Variants in TMPRSS12 observed in about 807,000 individuals in gnomAD.
TMPRSS12 encodes transmembrane protease serine 12.
In TMPRSS12, 25 loss-of-function variants were observed where a neutral mutation model predicts 26.0. The observed-to-expected ratio is 0.96, with a 90% confidence interval of 0.70 to 1.34. The LOEUF is 1.34. TMPRSS12 is among the 40% of genes most tolerant of loss of function. The pLI, the probability that TMPRSS12 is intolerant of heterozygous loss-of-function variation, is 0.00. For synonymous variants in TMPRSS12, 150 were observed against 161.7 expected, an observed-to-expected ratio of 0.93 and a Z score of 0.55; for missense variants, 441 against 440.1, an observed-to-expected ratio of 1.00 and a Z score of -0.02.
chr12:50,853,643 C>A lies in TMPRSS12; in HGVS notation c.384-5142C>A, dbSNP rs113363847. On this transcript the variant is annotated intron_variant, in intron 2 of 4. Coordinates refer to ENST00000398458, the MANE Select transcript of TMPRSS12 (RefSeq NM_182559.3). Reference sequence around the variant, plus strand: ...TCCAAATAAACAAAATCAGAAATGACAAAGGGGACAGTACCACCAACCCCA... The same window carrying A: ...TCCAAATAAACAAAATCAGAAATGAAAAAGGGGACAGTACCACCAACCCCA... Among the ~76,000 whole-genome samples the A allele has an allele frequency of 2.1e-4, 29 of 138,054 alleles. 2 individuals carry two copies. Among genetic ancestry groups the A allele is most frequent in the African/African-American group, 7.7e-4 (29 of 37,624 alleles). 90.6% of individuals were successfully genotyped at this position (138,054 alleles called of 152,430 possible).
intron 3 of TMPRSS12, among the ~76,000 whole-genome samples, chr12:50,863,320 A>G (rs998650262): frequency 3.3e-5 from 5 of 152,228 alleles, no homozygotes; most frequent in African/African-American, 4.8e-5. Context: ...CCAAGAAGAC[A>G]TAGCAATGCT....
At chr12:50,878,084 T>A (rs1299890256) in intron 3 of TMPRSS12, among the ~76,000 whole-genome samples, 1 of 152,002 alleles carries the variant, frequency 6.6e-6, no homozygotes, top group East Asian at 1.9e-4. Flanking sequence ...AATACGGCAA[T>A]TATTCACAGA....
At chr12:50,873,488 T>A (rs1007016080) in intron 3 of TMPRSS12, among the ~76,000 whole-genome samples, 11 of 152,136 alleles carry the variant, frequency 7.2e-5, no homozygotes, top group African/African-American at 2.7e-4. Flanking sequence ...CCAACAGTCT[T>A]TCACCAAGGA....
At chr12:50,872,127 A>G (rs551178573) in intron 3 of TMPRSS12, among the ~76,000 whole-genome samples, 12 of 152,320 alleles carry the variant, frequency 7.9e-5, no homozygotes, top group East Asian at 3.9e-4. Context: ...TTATTCAAAA[A>G]AGAAACTTGC....
intron 3 of TMPRSS12, among the ~76,000 whole-genome samples, chr12:50,883,167 A>C (rs1304099811): frequency 6.6e-6 from 1 of 152,032 alleles, no homozygotes; most frequent in Admixed American, 6.6e-5. Context: ...TGTTGCTACA[A>C]AAAAAACCAA....
intron 2 of TMPRSS12, among the ~76,000 whole-genome samples, chr12:50,854,366 G>A (rs1399182409): frequency 1.3e-5 from 2 of 152,050 alleles, no homozygotes; most frequent in Admixed American, 6.6e-5. Context: ...TACTGAACAG[G>A]CAAAAGCTGG....
intron 3 of TMPRSS12, among the ~76,000 whole-genome samples, chr12:50,864,180 C>T (rs1937965792): frequency 6.6e-6 from 1 of 152,152 alleles, no homozygotes; most frequent in Non-Finnish European, 1.5e-5. Context: ...TACAAAGCTT[C>T]AAGCTGAGAA....
In TMPRSS12 at chr12:50,887,363, T is replaced by A; in HGVS notation, c.897T>A (p.Phe299Leu). The A allele has an allele frequency of 6.2e-7, 1 of 1,613,974 alleles. No homozygotes were observed. The highest frequency in any genetic ancestry group is 8.5e-7 in the Non-Finnish European group (1 of 1,179,862). The change falls in exon 5 of 5, where the codon TTT (phenylalanine) becomes TTA (leucine). Residue 299 changes from phenylalanine to leucine, a missense_variant. Physicochemically the swap from Phe to Leu is conservative, Grantham distance 22 (BLOSUM62 0). Coordinates refer to ENST00000398458, the MANE Select transcript of TMPRSS12 (RefSeq NM_182559.3). ...SYGHGCGRRG[F>L]PGVYIGPSFY... Reference sequence around the variant, plus strand: ...GACATGGCTGTGGTCGAAGAGGTTTTCCTGGTGTCTATATTGGGCCATCCT... The same window carrying A: ...GACATGGCTGTGGTCGAAGAGGTTTACCTGGTGTCTATATTGGGCCATCCT...
chr12:50,846,323 A>G (rs1252912250), intron 2 of TMPRSS12, among the ~76,000 whole-genome samples: 1 of 152,166 alleles, frequency 6.6e-6, no homozygotes. Context: ...TGCATAAGGT[A>G]TCAGGTAAGG....
chr12:50,868,999 G>A (rs1938017591), intron 3 of TMPRSS12, among the ~76,000 whole-genome samples: 1 of 151,894 alleles, frequency 6.6e-6, no homozygotes, highest in Non-Finnish European at 1.5e-5. Context: ...AGCAAAGGTG[G>A]TGCTAAGAGG....
chr12:50,864,592 A>C (rs1937970976), intron 3 of TMPRSS12, among the ~76,000 whole-genome samples: 1 of 152,154 alleles, frequency 6.6e-6, no homozygotes, highest in African/African-American at 2.4e-5. Flanking sequence ...GTATAGAATA[A>C]AAAAATATGT....
At chr12:50,873,226 T>C (rs1938083874) in intron 3 of TMPRSS12, among the ~76,000 whole-genome samples, 1 of 151,920 alleles carries the variant, frequency 6.6e-6, no homozygotes, top group Non-Finnish European at 1.5e-5. Flanking sequence ...AGTCTACAAA[T>C]AGGGTGCAGT....
At chr12:50,872,642 A>ATG (rs1227340470) in intron 3 of TMPRSS12, among the ~76,000 whole-genome samples, 1 of 83,790 alleles carries the variant, frequency 1.2e-5, no homozygotes, top group Non-Finnish European at 2.7e-5. Context: ...TATATGACGT[A>ATG]TATGTACATA....
chr12:50,879,897 C>T (rs749051393), intron 3 of TMPRSS12, among the ~76,000 whole-genome samples: 9 of 151,716 alleles, frequency 5.9e-5, no homozygotes, highest in Non-Finnish European at 1.3e-4. Flanking sequence ...TTGAGGCCCA[C>T]GAGGTTGAGA....
intron 1 of TMPRSS12, 137 bp from the exon 2 acceptor site, chr12:50,843,705 T>C (rs1442638167): frequency 1.3e-6 from 1 of 796,250 alleles, no homozygotes; most frequent in African/African-American, 1.8e-5. Context: ...TTTCAAAATA[T>C]GGGCGTGTCT....
Position 50,847,186 on chromosome 12 carries a change from G to A in TMPRSS12, c.383+3149G>A, listed in dbSNP as rs866809299. ...CCATTCTCCTGCCTCAGCCTCCCGC[G>A]TAGCTGGGACTACAGGCGCCCCCCA... On this transcript the variant is annotated intron_variant, in intron 2 of 4. Transcript: ENST00000398458. 6.0e-5 allele frequency among the ~76,000 whole-genome samples: 9 copies of A among 151,238 alleles called. No individual in the cohort carries two copies. The Middle Eastern group carries it at 0.01, about 173-fold the overall frequency.
intron 3 of TMPRSS12, 116 bp from the exon 4 acceptor site, chr12:50,885,130 T>C (rs942267647): frequency 1.2e-5 from 10 of 864,650 alleles, no homozygotes; most frequent in African/African-American, 1.7e-5. Context: ...TATATGAATA[T>C]AATTTTACAT....
intron 4 of TMPRSS12, chr12:50,886,686 T>C (rs1938229874): frequency 6.6e-6 from 1 of 152,424 alleles, no homozygotes; most frequent in Non-Finnish European, 1.5e-5. Context: ...TAATTTTGTA[T>C]AGACTATGAA....
chr12:50,872,837 G>GACGTATATATGTACATATAT (rs1565936021), intron 3 of TMPRSS12, among the ~76,000 whole-genome samples: 1 of 18,434 alleles, frequency 5.4e-5, no homozygotes, highest in Non-Finnish European at 1.2e-4. Flanking sequence ...ACATATATAT[G>GACGTATATATGTACATATAT]ACGTCTATAT....
Sources: allele counts gnomAD v4.1 joint callset (sites outside exome capture counted in the v4.1 genomes callset), GRCh38; gene constraint gnomAD v4.1.1; transcripts MANE v1.5; gene names NCBI Gene and HGNC (gene_info 2026-07-23, HGNC 2026-07-21).